CCDC178: variants seen among roughly 807,000 people sequenced by gnomAD.
The protein encoded by CCDC178 is coiled-coil domain containing 178.
CCDC178 carries 126 observed loss-of-function variants against 117.4 expected under a neutral mutation model. The ratio of observed to expected loss-of-function variants is 1.07; its 90% CI spans 0.93 to 1.24. CCDC178 has a LOEUF of 1.24. CCDC178 is among the 50% of genes most tolerant of loss of function. The probability of loss-of-function intolerance (pLI) is 0.00; values close to 1 mark genes in which losing one functional copy is unlikely to be tolerated. For synonymous variants in CCDC178, 283 were observed against 313.4 expected (o/e 0.90, Z 1.02); for missense variants, 1,030 against 986.9 (o/e 1.04, Z -0.59).
chr18:33,435,072 T>C (rs2064270748), intron 2 of CCDC178, among the ~76,000 whole-genome samples: 1 of 152,154 alleles, frequency 6.6e-6, no homozygotes, highest in Non-Finnish European at 1.5e-5. Flanking sequence ...TGTTGAACTA[T>C]GAATGAGGGA....
chr18:33,367,318 T>C (rs1462017302), intron 6 of CCDC178, among the ~76,000 whole-genome samples: 4 of 152,090 alleles, frequency 2.6e-5, no homozygotes, highest in African/African-American at 9.7e-5. Flanking sequence ...CTTACACACA[T>C]AACTCATTTT....
intron 5 of CCDC178, among the ~76,000 whole-genome samples, chr18:33,383,418 G>A (rs1310490028): frequency 6.6e-6 from 1 of 151,920 alleles, no homozygotes; most frequent in Admixed American, 6.6e-5. Flanking sequence ...CCTCCTGACT[G>A]GGTGAGACCT....
At chr18:33,439,852 G>A (rs1043229035) in intron 2 of CCDC178, 110 bp downstream of exon 2, 2 of 152,202 alleles carry the variant, frequency 1.3e-5, no homozygotes, top group African/African-American at 4.8e-5. Flanking sequence ...AACAATAATA[G>A]AAAATGCTTT....
chr18:33,349,068 T>G, intron 7 of CCDC178, 93 bp from the exon 8 acceptor site: 1 of 721,326 alleles, frequency 1.4e-6, no homozygotes, highest in Non-Finnish European at 2.2e-6. Flanking sequence ...TTTAAATATT[T>G]GTGGTGAAAC....
chr18:33,091,836 G>A (rs1056157257), intron 21 of CCDC178, among the ~76,000 whole-genome samples: 2 of 152,148 alleles, frequency 1.3e-5, no homozygotes, highest in Middle Eastern at 3.4e-3. Flanking sequence ...TACTTACAAA[G>A]TACTCTGTGA....
At chr18:33,248,481 T>C (rs1028890087) in intron 14 of CCDC178, among the ~76,000 whole-genome samples, 30 of 146,882 alleles carry the variant, frequency 2.0e-4, no homozygotes, top group African/African-American at 7.2e-4. Context: ...AGTGTTCTCA[T>C]TGTTCAATTC....
At chr18:33,111,220 C>T (rs1399799740) in intron 20 of CCDC178, among the ~76,000 whole-genome samples, 1 of 151,374 alleles carries the variant, frequency 6.6e-6, no homozygotes, top group African/African-American at 2.4e-5. Context: ...TATGGAGATA[C>T]AATTGATTTT....
intron 6 of CCDC178, among the ~76,000 whole-genome samples, chr18:33,359,730 T>C (rs989584688): frequency 6.6e-6 from 1 of 151,608 alleles, no homozygotes; most frequent in African/African-American, 2.4e-5. Flanking sequence ...CATACAATTC[T>C]CATTTCTGAT....
intron 20 of CCDC178, among the ~76,000 whole-genome samples, chr18:33,201,538 T>G (rs1598993847): frequency 6.6e-6 from 1 of 152,296 alleles, no homozygotes; most frequent in Middle Eastern, 3.4e-3. Context: ...GTCTCTGGGT[T>G]AAAAGAACAG....
At chr18:33,055,801 T>C (rs951413457) in intron 21 of CCDC178, among the ~76,000 whole-genome samples, 1 of 148,464 alleles carries the variant, frequency 6.7e-6, no homozygotes, top group Non-Finnish European at 1.5e-5. Flanking sequence ...AAGAACTCAA[T>C]GGATAATTTT....
At chr18:33,259,075 T>G (rs1345782876) in intron 14 of CCDC178, among the ~76,000 whole-genome samples, 2 of 151,942 alleles carry the variant, frequency 1.3e-5, no homozygotes, top group Non-Finnish European at 2.9e-5. Flanking sequence ...AGTTACAAGG[T>G]GTGGGTTTGT....
chr18:33,215,580 T>A lies in CCDC178; in HGVS notation c.2048A>T (p.Lys683Ile). ...EELKAKEEEK[K>I]SFDQTLEILK... The stretch of plus-strand genomic sequence containing the variant: ...TATTTCAAGTGTCTGATCAAAACTT[T>A]TCTTTTCTTCTTCTTTTGCTTTTAA... Residue 683 changes from lysine (K) to isoleucine (I), a missense_variant, in exon 19 of 23, where the codon AAA becomes ATA. Coordinates refer to ENST00000383096, the MANE Select transcript of CCDC178 (RefSeq NM_001105528.4). 6.8e-7 allele frequency: 1 copy of A among 1,473,536 alleles called. No individual in the cohort carries two copies. The highest frequency in any genetic ancestry group is 1.5e-5 in the African/African-American group (1 of 68,350). 91.3% of individuals were successfully genotyped at this position (1,473,536 alleles called of 1,614,324 possible). A position where few individuals can be genotyped will look rare whatever the true frequency, so the allele number is the denominator to read the frequency against.
chr18:33,240,995 C>T (rs983375597), intron 15 of CCDC178, among the ~76,000 whole-genome samples: 1 of 151,868 alleles, frequency 6.6e-6, no homozygotes, highest in African/African-American at 2.4e-5. Flanking sequence ...AAAGATATTA[C>T]ACCATAATCA....
chr18:33,203,441 A>T (rs2059015091), intron 20 of CCDC178, among the ~76,000 whole-genome samples: 1 of 152,122 alleles, frequency 6.6e-6, no homozygotes, highest in Non-Finnish European at 1.5e-5. Flanking sequence ...TCTCTGCTTT[A>T]TTGATATGCC....
At chr18:33,102,393 T>G (rs2057642174) in intron 20 of CCDC178, among the ~76,000 whole-genome samples, 1 of 145,648 alleles carries the variant, frequency 6.9e-6, no homozygotes, top group Non-Finnish European at 1.5e-5. Flanking sequence ...TCAAAATAAA[T>G]TAGATACTCA....
intron 11 of CCDC178, among the ~76,000 whole-genome samples, chr18:33,301,466 C>A (rs976609619): frequency 2.6e-5 from 4 of 152,212 alleles, no homozygotes; most frequent in Non-Finnish European, 4.4e-5. Flanking sequence ...CCCTTCAGCC[C>A]CCAGAATGGT....
At chr18:33,083,926 C>T (rs909497324) in intron 21 of CCDC178, among the ~76,000 whole-genome samples, 4 of 152,226 alleles carry the variant, frequency 2.6e-5, no homozygotes, top group Non-Finnish European at 2.9e-5. Context: ...AACACTCTAA[C>T]GCATTTGTGG....
At chr18:33,177,168 A>G (rs1453157850) in intron 20 of CCDC178, among the ~76,000 whole-genome samples, 1 of 151,994 alleles carries the variant, frequency 6.6e-6, no homozygotes, top group Non-Finnish European at 1.5e-5. Flanking sequence ...GAACACATGG[A>G]CACAGGGAGG....
At chr18:33,307,966 G>T (rs1360110298) in intron 11 of CCDC178, among the ~76,000 whole-genome samples, 1 of 152,250 alleles carries the variant, frequency 6.6e-6, no homozygotes, top group African/African-American at 2.4e-5. Flanking sequence ...CAGGGGCAGA[G>T]CCCTCATGGA....
Sources: gnomAD v4.1 joint callset for allele counts (sites outside exome capture counted in the v4.1 genomes callset) on GRCh38, gnomAD v4.1.1 for gene constraint, MANE v1.5 for transcripts, NCBI Gene and HGNC (gene_info 2026-07-23, HGNC 2026-07-21) for gene names.